DYSF: variants seen among roughly 807,000 people sequenced by gnomAD.
DYSF encodes dysferlin.
Under a neutral mutation model 274.9 loss-of-function variants are expected in DYSF, and 212 were observed. The ratio of observed to expected loss-of-function variants is 0.77; its 90% CI spans 0.69 to 0.86. DYSF has a LOEUF of 0.86. Among genes scored for constraint, DYSF ranks in the 40% least tolerant of loss-of-function variants. The probability of loss-of-function intolerance (pLI) is 0.00; values close to 1 mark genes in which losing one functional copy is unlikely to be tolerated. For missense variants in DYSF, 2,666 were observed against 2,783.2 expected, an observed-to-expected ratio of 0.96 and a Z score of 0.95; for synonymous variants, 1,091 against 1,078.7, an observed-to-expected ratio of 1.01 and a Z score of -0.22.
chr2:71,597,931 A>G (rs2093445848), intron 32 of DYSF, among the ~76,000 whole-genome samples: 1 of 152,142 alleles, frequency 6.6e-6, no homozygotes, highest in Admixed American at 6.5e-5. Context: ...TCCATGTGGC[A>G]GCCAGAGTGA....
At position 71,613,425 on chromosome 2, in the gene DYSF, C is replaced by A. The variant is rs1274759579; in HGVS notation, c.4464+15C>A. The stretch of plus-strand genomic sequence containing the variant: ...TCCCCATCCAGGTAGGATGGGCATC[C>A]TCCAGGGAGGCCTGGGTCACCTTTC... On this transcript the variant is annotated intron_variant, in intron 40 of 55. Transcript: ENST00000410020. The A allele has an allele frequency of 1.2e-6, 2 of 1,608,134 alleles. No homozygotes were observed. Among genetic ancestry groups the A allele is most frequent in the South Asian group, 2.2e-5 (2 of 89,742 alleles).
chr2:71,528,494 C>A (rs1018132471), intron 14 of DYSF, 93 bp downstream of exon 14: 5 of 1,063,288 alleles, frequency 4.7e-6, no homozygotes, highest in African/African-American at 4.6e-5. Context: ...GAGTGAGATG[C>A]CCCCACCAGA....
chr2:71,608,547 C>T (rs144275910), intron 36 of DYSF, among the ~76,000 whole-genome samples: 1 of 152,290 alleles, frequency 6.6e-6, no homozygotes, highest in Non-Finnish European at 1.5e-5. Flanking sequence ...TCTCTTCCTT[C>T]TGCCTCCGCT....
rs144936357 is a variant in DYSF, at chr2:71,574,266, C to T, written c.3297C>T (p.Leu1099=). Residue 1099 remains leucine, a synonymous_variant, in exon 30 of 56, where the codon CTC becomes CTT. Transcript: ENST00000410020. ...YASLFGWKFH[L]EYRKTDAFRR... is the part of the protein sequence containing the mutation. ...CTCTTTTTGGCTGGAAGTTCCACCT[C>T]GAGTACCGCAAGACAGATGCCTTCC... 213 of 1,614,006 alleles carry T rather than the reference C, an allele frequency of 1.3e-4. No homozygotes were observed. Among genetic ancestry groups the T allele is most frequent in the Non-Finnish European group, 1.6e-4 (191 of 1,180,050 alleles).
chr2:71,567,523 G>A (rs985064278), intron 24 of DYSF, among the ~76,000 whole-genome samples: 2 of 152,236 alleles, frequency 1.3e-5, no homozygotes, highest in African/African-American at 4.8e-5. Flanking sequence ...ATGCTCGGTA[G>A]CTACATGGGC....
At chr2:71,592,507 C>T (rs540662409) in intron 32 of DYSF, among the ~76,000 whole-genome samples, 1 of 152,238 alleles carries the variant, frequency 6.6e-6, no homozygotes, top group Non-Finnish European at 1.5e-5. Flanking sequence ...AACCCTAAAC[C>T]AAAGCAATTT....
chr2:71,555,247 C>A (rs1449154069), intron 21 of DYSF, among the ~76,000 whole-genome samples: 1 of 152,138 alleles, frequency 6.6e-6, no homozygotes, highest in Non-Finnish European at 1.5e-5. Context: ...CAGCAAGACT[C>A]CAGACTCCAA....
At position 71,600,698 on chromosome 2, in the gene DYSF, C is replaced by T. The variant is rs2152858725; in HGVS notation, c.3757-4C>T. On this transcript the variant is annotated splice_region_variant and splice_polypyrimidine_tract_variant and intron_variant, in intron 33 of 55. Transcript: ENST00000410020. ...TGATTCTTGTCTCTCTACGCTTGGT[C>T]TAGGGTGCAGACGAGTTTATGGGTC... 2 of 1,614,090 alleles carry T rather than the reference C, an allele frequency of 1.2e-6. No individual in the cohort carries two copies. The highest frequency in any genetic ancestry group is 1.7e-6 in the Non-Finnish European group (2 of 1,180,038).
intron 26 of DYSF, 122 bp from the exon 27 acceptor site, chr2:71,569,698 C>G: frequency 2.5e-6 from 2 of 805,022 alleles, no homozygotes; most frequent in Middle Eastern, 3.3e-4. Context: ...CCCCACCCCC[C>G]ATGTCTCTCA....
At chr2:71,581,097 G>A (rs930238453) in intron 30 of DYSF, among the ~76,000 whole-genome samples, 2 of 152,226 alleles carry the variant, frequency 1.3e-5, no homozygotes, top group African/African-American at 4.8e-5. Flanking sequence ...GGCAAACTGG[G>A]CCATAGAGTT....
chr2:71,475,677 C>T (rs1573355394), intron 1 of DYSF, among the ~76,000 whole-genome samples: 3 of 152,172 alleles, frequency 2.0e-5, no homozygotes, highest in South Asian at 4.1e-4. Flanking sequence ...GGCACCTCAA[C>T]GTTCTATCTC....
chr2:71,658,976 G>T lies in DYSF; in HGVS notation c.4854G>T (p.Leu1618Phe). Residue 1618 changes from leucine (L) to phenylalanine (F), a missense_variant, in exon 44 of 56, where the codon TTG becomes TTT. This residue lies in a region of DYSF where 1,460 missense variants were observed against 1,502.1 expected (regional missense o/e 0.97). Transcript: ENST00000410020. Reference protein sequence around the residue: ...QLAAQGPQECLVRIYIVRAFG... With the variant: ...QLAAQGPQECFVRIYIVRAFG... ...CCGCCCAGGGACCCCAGGAGTGCTT[G>T]GTCCGTATCTACATTGTCCGAGCAT... 1 of 1,614,132 alleles carries T rather than the reference G, an allele frequency of 6.2e-7. No homozygotes were observed. Among genetic ancestry groups the T allele is most frequent in the Non-Finnish European group, 8.5e-7 (1 of 1,180,004 alleles).
chr2:71,480,051 A>G (rs1031473748), intron 1 of DYSF, among the ~76,000 whole-genome samples: 1 of 152,190 alleles, frequency 6.6e-6, no homozygotes, highest in Non-Finnish European at 1.5e-5. Context: ...CCCTATACCC[A>G]TTAATCAATC....
chr2:71,674,530 C>T (rs2095186998), intron 52 of DYSF, among the ~76,000 whole-genome samples: 1 of 152,208 alleles, frequency 6.6e-6, no homozygotes, highest in South Asian at 2.1e-4. Flanking sequence ...AGAGGTGGCA[C>T]TGAACACTGG....
intron 14 of DYSF, among the ~76,000 whole-genome samples, chr2:71,532,830 T>TTCTATCTATCTATCTGTCTATCTA (rs369157878): frequency 1.6e-4 from 24 of 147,556 alleles, no homozygotes; most frequent in Admixed American, 2.7e-4. Context: ...AGTACATTTA[T>TTCTATCTATCTATCTGTCTATCTA]TCTATCTATC....
In DYSF at chr2:71,571,087, C is replaced by A. The variant is rs528946687; in HGVS notation, c.3228+346C>A. Among the ~76,000 whole-genome samples the A allele has an allele frequency of 5.1e-5, 7 of 138,142 alleles. No homozygotes were observed. In the South Asian group the frequency reaches 1.5e-3, roughly 30 times the overall value. 90.6% of individuals were successfully genotyped at this position (138,142 alleles called of 152,430 possible). A position where few individuals can be genotyped will look rare whatever the true frequency, so the allele number is the denominator to read the frequency against. On this transcript the variant is annotated intron_variant, in intron 29 of 55. Coordinates refer to ENST00000410020, the MANE Select transcript of DYSF (RefSeq NM_001130987.2). ...CACCCAGCACACAGATTACACCCAGCACACACACAGATCACACCCAGCACA... is the reference window on the plus strand; with the variant it reads ...CACCCAGCACACAGATTACACCCAGAACACACACAGATCACACCCAGCACA...
chr2:71,611,316 C>A lies in DYSF; in HGVS notation c.4029C>A (p.Ile1343=). The change falls in exon 37 of 56, where the codon ATC becomes ATA. Residue 1343 remains isoleucine, a synonymous_variant. Coordinates refer to ENST00000410020, the MANE Select transcript of DYSF (RefSeq NM_001130987.2). ...EANIYMVPQN[I]KPALQRTAIE... ...ACATCTACATGGTTCCTCAGAACAT[C>A]AAGCCAGCGCTCCAGCGTACCGCCA... is the stretch of plus-strand genomic sequence containing the variant. The A allele has an allele frequency of 6.2e-7, 1 of 1,614,000 alleles. No homozygotes were observed. The highest frequency in any genetic ancestry group is 1.1e-5 in the South Asian group (1 of 91,074).
intron 1 of DYSF, among the ~76,000 whole-genome samples, chr2:71,479,450 A>G (rs1429806481): frequency 6.6e-6 from 1 of 151,972 alleles, no homozygotes; most frequent in Non-Finnish European, 1.5e-5. Context: ...AGCTCTGTCC[A>G]AACTCCTTGT....
chr2:71,472,099 C>A (rs1410529944), intron 1 of DYSF, among the ~76,000 whole-genome samples: 1 of 152,118 alleles, frequency 6.6e-6, no homozygotes, highest in African/African-American at 2.4e-5. Flanking sequence ...TTTACTCAAC[C>A]CCCTACTGAT....
Sources: gnomAD v4.1 joint callset for allele counts (sites outside exome capture counted in the v4.1 genomes callset) on GRCh38, gnomAD v4.1.1 for gene constraint, gnomAD v4.1.1 regional missense constraint, MANE v1.5 for transcripts, NCBI Gene and HGNC (gene_info 2026-07-23, HGNC 2026-07-21) for gene names.